Variants in NTAQ1 observed in about 807,000 individuals in gnomAD.
NTAQ1 encodes protein N-terminal glutamine amidohydrolase.
A neutral mutation model predicts 28.2 loss-of-function variants in NTAQ1; 21 were observed. The ratio of observed to expected loss-of-function variants is 0.74; its 90% confidence interval spans 0.53 to 1.07. NTAQ1 has a LOEUF of 1.07. Among genes scored for constraint, NTAQ1 ranks in the 50% least tolerant of loss-of-function variants. NTAQ1 has a pLI of 0.00. For missense variants in NTAQ1, 264 were observed against 256.6 expected (o/e 1.03, Z -0.20); for synonymous variants, 105 against 90.0 (o/e 1.17, Z -0.94).
Position 123,427,464 on chromosome 8 carries a change from G to T in NTAQ1, c.84-460G>T, listed in dbSNP as rs186945294. Among the ~76,000 whole-genome samples the T allele has an allele frequency of 3.2e-3, 482 of 151,902 alleles. 10 individuals are homozygous for T. Among genetic ancestry groups the T allele is most frequent in the Admixed American group, 0.026 (394 of 15,220 alleles). On this transcript the variant is annotated intron_variant, in intron 1 of 5. Transcript: ENST00000287387. ...GACGGGGTTTCACCATATTGGTCAG[G>T]CTGGTCTCTCTGCCAGGCTGGTCTC...
chr8:123,438,287 C>G, intron 5 of NTAQ1: 1 of 665,992 alleles, frequency 1.5e-6, no homozygotes, highest in Non-Finnish European at 2.7e-6. Context: ...ATCCCAACAC[C>G]TGGATAATAC....
chr8:123,445,203 G>A (rs551919908), downstream of NTAQ1, among the ~76,000 whole-genome samples: 1 of 150,734 alleles, frequency 6.6e-6, no homozygotes, highest in Non-Finnish European at 1.5e-5. Context: ...AGGTTATTTT[G>A]TATCCTTCTT....
chr8:123,440,811 T>A (rs1815019668), intron 5 of NTAQ1, among the ~76,000 whole-genome samples: 1 of 152,166 alleles, frequency 6.6e-6, no homozygotes, highest in Non-Finnish European at 1.5e-5. Context: ...CAGAGCAGCC[T>A]TTCATCGAGG....
In NTAQ1 at chr8:123,465,048, A is replaced by AT. The variant is rs1238826386; in HGVS notation, c.373-2031_373-2030insT. Among the ~76,000 whole-genome samples, 3 of 152,230 alleles carry AT rather than the reference A, an allele frequency of 2.0e-5. No individual in the cohort carries two copies. In the East Asian group the frequency reaches 5.8e-4, roughly 29 times the overall value. On this transcript the variant is annotated intron_variant, in intron 6 of 6. Transcript: ENST00000650311. ...GACAGATTCTGTCTCAGGAAAAAAA[A>AT]GTGTGGGCCCCAGGGGAGAGACGAT... is the stretch of plus-strand genomic sequence containing the variant.
exon 7 of NTAQ1, among the ~76,000 whole-genome samples, chr8:123,467,503 A>T (rs16898363): frequency 0.025 from 3,765 of 152,326 alleles, 168 homozygotes; most frequent in African/African-American, 0.086. Context: ...GTTTTCATAA[A>T]ATAATTCTTG....
At chr8:123,436,690 T>C (rs909972625) in intron 4 of NTAQ1, 89 bp downstream of exon 4, 2 of 1,420,826 alleles carry the variant, frequency 1.4e-6, no homozygotes, top group African/African-American at 2.9e-5. Flanking sequence ...ACAATTGTTT[T>C]GTAAAGATCT....
downstream of NTAQ1, among the ~76,000 whole-genome samples, chr8:123,445,379 T>G (rs1291792485): frequency 1.3e-5 from 2 of 152,194 alleles, no homozygotes; most frequent in Non-Finnish European, 2.9e-5. Flanking sequence ...TTAATATATT[T>G]GGATGTTTTC....
intron 1 of NTAQ1, among the ~76,000 whole-genome samples, chr8:123,423,095 T>C (rs1008277174): frequency 6.6e-6 from 1 of 152,230 alleles, no homozygotes; most frequent in Non-Finnish European, 1.5e-5. Flanking sequence ...CCTACAGCTT[T>C]GTTCTTTTTG....
intron 1 of NTAQ1, among the ~76,000 whole-genome samples, chr8:123,420,289 T>C (rs1191090062): frequency 1.3e-5 from 2 of 152,214 alleles, no homozygotes; most frequent in South Asian, 2.1e-4. Context: ...GTGGATGATA[T>C]ATACCACATT....
At chr8:123,432,539 G>A (rs1456252317) in intron 3 of NTAQ1, among the ~76,000 whole-genome samples, 1 of 151,802 alleles carries the variant, frequency 6.6e-6, no homozygotes, top group Non-Finnish European at 1.5e-5. Flanking sequence ...GGTGCCTGAG[G>A]CAGGAGAATT....
intron 1 of NTAQ1, among the ~76,000 whole-genome samples, chr8:123,418,846 C>T (rs1320999133): frequency 3.3e-5 from 5 of 152,182 alleles, no homozygotes; most frequent in Non-Finnish European, 7.3e-5. Flanking sequence ...TAATTCCTTG[C>T]TATGGAGGCT....
At chr8:123,427,045 A>G (rs1563884836) in intron 1 of NTAQ1, among the ~76,000 whole-genome samples, 2 of 152,138 alleles carry the variant, frequency 1.3e-5, no homozygotes, top group South Asian at 4.1e-4. Context: ...GATTCCCCCA[A>G]ATGAGTTCCC....
chr8:123,439,826 C>T (rs1299091253), intron 5 of NTAQ1, among the ~76,000 whole-genome samples: 7 of 151,480 alleles, frequency 4.6e-5, no homozygotes, highest in South Asian at 2.1e-4. Context: ...TGGTGGTGCA[C>T]GCCTGTAATC....
chr8:123,427,657 A>G (rs1360511284), intron 1 of NTAQ1, among the ~76,000 whole-genome samples: 2 of 152,214 alleles, frequency 1.3e-5, no homozygotes, highest in African/African-American at 4.8e-5. Context: ...GAATATTGAC[A>G]TATTTTATCA....
intron 3 of NTAQ1, among the ~76,000 whole-genome samples, chr8:123,433,575 G>A (rs1325815551): frequency 6.6e-6 from 1 of 152,170 alleles, no homozygotes; most frequent in South Asian, 2.1e-4. Flanking sequence ...AGCCTCCTGA[G>A]TAGCTGGGGC....
chr8:123,442,928 G>C (rs560579675), downstream of NTAQ1, among the ~76,000 whole-genome samples: 46 of 151,370 alleles, frequency 3.0e-4, no homozygotes, highest in Non-Finnish European at 6.0e-4. Flanking sequence ...TTCGCCTCCC[G>C]AAGTACTGGG....
At chr8:123,449,839 T>G, downstream of NTAQ1, among the ~76,000 whole-genome samples, 1 of 144,526 alleles carries the variant, frequency 6.9e-6, no homozygotes, top group African/African-American at 2.6e-5. Context: ...GGCGACAGAG[T>G]GAGACTCTGG....
intron 1 of NTAQ1, among the ~76,000 whole-genome samples, chr8:123,424,072 GT>G (rs35733686): frequency 0.32 from 27,061 of 84,912 alleles, 2,694 homozygotes; most frequent in East Asian, 0.48. Flanking sequence ...ATTTTTATGC[GT>G]TTTTTTTTTT....
chr8:123,446,267 A>G (rs1231165690), downstream of NTAQ1, among the ~76,000 whole-genome samples: 2 of 152,158 alleles, frequency 1.3e-5, no homozygotes, highest in East Asian at 1.9e-4. Flanking sequence ...CAGCCTCCCA[A>G]AGTGCTGGGA....
Sources: allele counts gnomAD v4.1 joint callset (sites outside exome capture counted in the v4.1 genomes callset), GRCh38; gene constraint gnomAD v4.1.1; transcripts MANE v1.5; gene names NCBI Gene and HGNC (gene_info 2026-07-23, HGNC 2026-07-21).